ZNF503: variants seen among roughly 807,000 people sequenced by gnomAD.
ZNF503 encodes the protein NocA-like zinc finger 2.
In ZNF503, 15 loss-of-function variants were observed where a neutral mutation model predicts 34.4. The ratio of observed to expected loss-of-function variants is 0.44; its 90% CI spans 0.29 to 0.67. The LOEUF (loss-of-function observed/expected upper bound fraction) is 0.67. ZNF503 is among the 30% of genes least tolerant of loss of function. The probability of loss-of-function intolerance (pLI) is 0.13; values close to 1 mark genes in which losing one functional copy is unlikely to be tolerated. For missense variants in ZNF503, 1,007 were observed against 926.8 expected (o/e 1.09, Z -1.12); for synonymous variants, 580 against 456.8 (o/e 1.27, Z -3.44).
Position 75,399,123 on chromosome 10 carries a change from C to G in ZNF503, c.1567G>C (p.Gly523Arg), listed in dbSNP as rs776265693. 6 of 1,613,640 alleles carry G rather than the reference C, an allele frequency of 3.7e-6. No homozygotes were observed. Among genetic ancestry groups the G allele is most frequent in the South Asian group, 1.1e-5 (1 of 91,076 alleles). The change falls in exon 2 of 2, where the codon GGG (glycine) becomes CGG (arginine). Residue 523 changes from glycine (G) to arginine (R), a missense_variant. Transcript: ENST00000372524. ...PHICNWVSAN[G>R]PCDKRFATSE... ...GTGGCGAAGCGCTTGTCGCACGGCC[C>G]GTTGGCCGACACCCAGTTGCAGATG...
chr10:75,379,846 T>C, the ZNF503 span, among the ~76,000 whole-genome samples: 2 of 152,220 alleles, frequency 1.3e-5, no homozygotes, highest in African/African-American at 4.8e-5. Flanking sequence ...AATTTCATTT[T>C]TGTCCTGTGA....
At chr10:75,323,991 CA>C in the ZNF503 span, among the ~76,000 whole-genome samples, 2,928 of 42,864 alleles carry the variant, frequency 0.068, 49 homozygotes, top group African/African-American at 0.15. Context: ...AACTCCGTCT[CA>C]AAAAAAAAAA....
chr10:75,353,013 A>AG, the ZNF503 span, among the ~76,000 whole-genome samples: 7 of 152,120 alleles, frequency 4.6e-5, no homozygotes, highest in African/African-American at 7.2e-5. Context: ...CTGTGTCCCG[A>AG]GGGGGGGCAC....
At chr10:75,329,439 C>A in the ZNF503 span, among the ~76,000 whole-genome samples, 1 of 56,326 alleles carries the variant, frequency 1.8e-5, no homozygotes, top group Non-Finnish European at 5.0e-5. Context: ...TCCTTCCTTT[C>A]TTTCTTTCTT....
the ZNF503 span, among the ~76,000 whole-genome samples, chr10:75,291,961 C>T: frequency 6.6e-6 from 1 of 152,220 alleles, no homozygotes; most frequent in Non-Finnish European, 1.5e-5. Context: ...TTGCAGTACC[C>T]AGTACCTGTT....
At chr10:75,295,958 G>A in the ZNF503 span, among the ~76,000 whole-genome samples, 1 of 152,096 alleles carries the variant, frequency 6.6e-6, no homozygotes, top group African/African-American at 2.4e-5. The surrounding 1 kb of genome is among the most constrained non-coding windows in gnomAD (Gnocchi z 4.0). Flanking sequence ...CCTCCCGTTG[G>A]GCTTGGCTAT....
At chr10:75,335,666 T>C in the ZNF503 span, among the ~76,000 whole-genome samples, 1 of 152,204 alleles carries the variant, frequency 6.6e-6, no homozygotes, top group East Asian at 1.9e-4. Context: ...AGCCTATCTA[T>C]TCAAGGTCCA....
the ZNF503 span, among the ~76,000 whole-genome samples, chr10:75,375,446 A>G: frequency 6.6e-6 from 1 of 152,194 alleles, no homozygotes. Flanking sequence ...TGTAAATATA[A>G]GTTATAAGTC....
At chr10:75,333,880 C>T in the ZNF503 span, among the ~76,000 whole-genome samples, 1 of 40,946 alleles carries the variant, frequency 2.4e-5, no homozygotes, top group Admixed American at 1.7e-4. Context: ...CGGGCAGAGG[C>T]GCTCCTCACA....
the ZNF503 span, among the ~76,000 whole-genome samples, chr10:75,288,926 G>A: frequency 5.4e-3 from 816 of 152,318 alleles, 12 homozygotes; most frequent in African/African-American, 0.019. Context: ...GCGCTTGGTT[G>A]AGGGGGGCTG....
At chr10:75,337,845 G>A in the ZNF503 span, among the ~76,000 whole-genome samples, 1 of 152,164 alleles carries the variant, frequency 6.6e-6, no homozygotes, top group African/African-American at 2.4e-5. Context: ...TTATTCTTTG[G>A]ATTGGAACAC....
the ZNF503 span, among the ~76,000 whole-genome samples, chr10:75,334,774 G>C: frequency 6.6e-6 from 1 of 152,196 alleles, no homozygotes; most frequent in Non-Finnish European, 1.5e-5. Context: ...CTCTAACCCT[G>C]AGTCCCAGGA....
chr10:75,380,439 C>T, the ZNF503 span, among the ~76,000 whole-genome samples: 1 of 152,120 alleles, frequency 6.6e-6, no homozygotes, highest in African/African-American at 2.4e-5. Context: ...GAGCTCAGCA[C>T]GGTACCTATA....
At chr10:75,324,791 T>G in the ZNF503 span, among the ~76,000 whole-genome samples, 1 of 152,222 alleles carries the variant, frequency 6.6e-6, no homozygotes, top group African/African-American at 2.4e-5. Flanking sequence ...GGCATTTTAT[T>G]CCCATGCTTA....
At chr10:75,309,307 T>C in the ZNF503 span, among the ~76,000 whole-genome samples, 2 of 152,224 alleles carry the variant, frequency 1.3e-5, no homozygotes, top group Non-Finnish European at 2.9e-5. Flanking sequence ...TGACTCTAAC[T>C]CTGTAAGAAG....
chr10:75,295,984 A>G, the ZNF503 span, among the ~76,000 whole-genome samples: 295 of 152,314 alleles, frequency 1.9e-3, no homozygotes, highest in Non-Finnish European at 3.6e-3. This position sits in a 1 kb window ranked among gnomAD's most constrained non-coding sequence, Gnocchi z 4.0. Flanking sequence ...TACAAGTAAA[A>G]CAGTCACCCC....
At chr10:75,354,096 C>T in the ZNF503 span, among the ~76,000 whole-genome samples, 3 of 152,204 alleles carry the variant, frequency 2.0e-5, no homozygotes, top group African/African-American at 7.2e-5. Context: ...TCTGGGTGAA[C>T]AGCAGTTCTA....
chr10:75,340,769 G>T, the ZNF503 span, among the ~76,000 whole-genome samples: 59,574 of 151,794 alleles, frequency 0.39, 12,169 homozygotes, highest in African/African-American at 0.5. Flanking sequence ...GGGCTAATTT[G>T]TTTTTGTATT....
At chr10:75,286,236 T>G in the ZNF503 span, among the ~76,000 whole-genome samples, 2 of 150,416 alleles carry the variant, frequency 1.3e-5, no homozygotes, top group Non-Finnish European at 2.9e-5. Context: ...TGAGCAGAGA[T>G]TGTGCGCCAC....
Sources: allele counts gnomAD v4.1 joint callset (sites outside exome capture counted in the v4.1 genomes callset), GRCh38; gene constraint gnomAD v4.1.1; non-coding constraint Gnocchi (gnomAD v3.1); transcripts MANE v1.5; gene names NCBI Gene and HGNC (gene_info 2026-07-23, HGNC 2026-07-21).